Variants in MSRB3 observed in about 807,000 individuals in gnomAD.
The protein encoded by MSRB3 is methionine sulfoxide reductase B3.
MSRB3 carries 13 observed loss-of-function variants against 21.0 expected under a neutral mutation model. That is an observed-to-expected ratio of 0.62 (90% CI 0.40 to 0.98). MSRB3 has a LOEUF of 0.98. Among genes scored for constraint, MSRB3 ranks in the 50% least tolerant of loss-of-function variants. The pLI is 0.00. For missense variants in MSRB3, 199 were observed against 230.3 expected (o/e 0.86, Z 0.88); for synonymous variants, 87 against 88.6 (o/e 0.98, Z 0.10).
chr12:65,334,166 G>C (rs1185568999), intron 4 of MSRB3, among the ~76,000 whole-genome samples: 1 of 152,138 alleles, frequency 6.6e-6, no homozygotes, highest in Non-Finnish European at 1.5e-5. Context: ...TTATTCAGCA[G>C]GCCTTCCACT....
intron 5 of MSRB3, among the ~76,000 whole-genome samples, chr12:65,386,961 A>G (rs1364424114): frequency 6.6e-6 from 1 of 152,008 alleles, no homozygotes; most frequent in Non-Finnish European, 1.5e-5. Flanking sequence ...ACACAGATAC[A>G]TGCACCTTTA....
At chr12:65,361,466 C>T (rs1264834312) in intron 4 of MSRB3, among the ~76,000 whole-genome samples, 1 of 152,076 alleles carries the variant, frequency 6.6e-6, no homozygotes, top group Non-Finnish European at 1.5e-5. Flanking sequence ...ACCTCTGATG[C>T]CTACACAGAG....
chr12:65,345,293 G>A lies in MSRB3; in HGVS notation c.263+16690G>A, dbSNP rs567419105. ...TACATCTACATAATGCTAGTCCCAG[G>A]ACATGTTGATATTGTGTTCTGTGAA... On this transcript the variant is annotated intron_variant, in intron 4 of 6. Coordinates refer to ENST00000308259, the MANE Select transcript of MSRB3 (RefSeq NM_001031679.3). 1.1e-4 allele frequency among the ~76,000 whole-genome samples: 16 copies of A among 152,106 alleles called. No homozygotes were observed. In the East Asian group the frequency reaches 1.4e-3, roughly 13 times the overall value.
chr12:65,318,549 G>A (rs942150783), intron 2 of MSRB3, among the ~76,000 whole-genome samples: 1 of 150,798 alleles, frequency 6.6e-6, no homozygotes, highest in Admixed American at 6.6e-5. Context: ...ACCCATACTG[G>A]AAAAAAAAAT....
intron 5 of MSRB3, among the ~76,000 whole-genome samples, chr12:65,423,606 G>T (rs1279782977): frequency 1.3e-5 from 2 of 152,018 alleles, no homozygotes; most frequent in Non-Finnish European, 2.9e-5. Flanking sequence ...ATGATCATAT[G>T]GTTCTTGTCC....
Position 65,386,015 on chromosome 12 carries a change from T to G in MSRB3, c.292+16989T>G, listed in dbSNP as rs552490273. ...ATGAGAACTTTAGTACACTTTTGTC[T>G]CTGACCCCTGCATGTTTCCCATTAT... On this transcript the variant is annotated intron_variant, in intron 5 of 6. Transcript: ENST00000308259. Among the ~76,000 whole-genome samples the G allele has an allele frequency of 1.1e-3, 170 of 152,094 alleles. No individual in the cohort carries two copies. The Middle Eastern group carries it at 0.017, about 15-fold the overall frequency.
At chr12:65,368,037 C>G (rs986130566) in intron 4 of MSRB3, among the ~76,000 whole-genome samples, 3 of 152,116 alleles carry the variant, frequency 2.0e-5, no homozygotes, top group Non-Finnish European at 4.4e-5. Context: ...CCTTCCCTTT[C>G]CTCCTTTGAT....
intron 1 of MSRB3, chr12:65,285,972 T>C (rs560699143): frequency 1.4e-4 from 21 of 152,338 alleles, no homozygotes; most frequent in African/African-American, 3.1e-4. Flanking sequence ...GTATATAGTA[T>C]TGAGTAATTT....
chr12:65,431,713 C>T (rs1307978059), intron 5 of MSRB3, among the ~76,000 whole-genome samples: 1 of 151,934 alleles, frequency 6.6e-6, no homozygotes, highest in Non-Finnish European at 1.5e-5. Context: ...TTTTGACATG[C>T]GAGTTTCAGA....
rs138261064 is a variant in MSRB3 at position 65,441,787 on chromosome 12, A to T, written c.293-11941A>T. On this transcript the variant is annotated intron_variant, in intron 5 of 6. Transcript: ENST00000308259. The stretch of plus-strand genomic sequence containing the variant: ...TAATAGAGTATGCTTTGGTTCGATG[A>T]AGGTTCCTTCATGCCTTTTCGATGT... Among the ~76,000 whole-genome samples the T allele has an allele frequency of 4.0e-3, 603 of 152,106 alleles. 4 individuals are homozygous for T. The highest frequency in any genetic ancestry group is 0.014 in the African/African-American group (564 of 41,534).
At chr12:65,340,935 C>T (rs1411441006) in intron 4 of MSRB3, among the ~76,000 whole-genome samples, 2 of 151,764 alleles carry the variant, frequency 1.3e-5, no homozygotes, top group Non-Finnish European at 2.9e-5. Context: ...TGAGTTATCA[C>T]AAAAATAAAT....
intron 1 of MSRB3, chr12:65,307,103 G>T: frequency 1.1e-6 from 1 of 924,752 alleles, no homozygotes; most frequent in Non-Finnish European, 1.3e-6. Context: ...TATTTATAGT[G>T]TTGTGAGGTA....
chr12:65,346,543 C>G (rs1489463936), intron 4 of MSRB3, among the ~76,000 whole-genome samples: 1 of 152,058 alleles, frequency 6.6e-6, no homozygotes, highest in Non-Finnish European at 1.5e-5. Flanking sequence ...GTTGACTGTT[C>G]ACTCTGATGG....
At chr12:65,292,747 G>A (rs1053571938) in intron 1 of MSRB3, among the ~76,000 whole-genome samples, 1 of 152,090 alleles carries the variant, frequency 6.6e-6, no homozygotes, top group African/African-American at 2.4e-5. Context: ...TAAGAGTGTA[G>A]CTCATTGAAG....
chr12:65,441,421 G>C (rs922134868), intron 5 of MSRB3, among the ~76,000 whole-genome samples: 3 of 151,924 alleles, frequency 2.0e-5, no homozygotes, highest in Admixed American at 2.0e-4. Flanking sequence ...ATATTAATAA[G>C]TTACCTGGAG....
intron 4 of MSRB3, among the ~76,000 whole-genome samples, chr12:65,358,924 T>A (rs557206177): frequency 3.4e-4 from 51 of 152,108 alleles, no homozygotes; most frequent in Middle Eastern, 6.8e-3. Context: ...CATTCATTCC[T>A]TCCTGGATGC....
chr12:65,298,015 TTC>T (rs1873083770), intron 1 of MSRB3, among the ~76,000 whole-genome samples: 1 of 152,222 alleles, frequency 6.6e-6, no homozygotes, highest in Admixed American at 6.5e-5. Context: ...TTTTTTTTTT[TTC>T]TTTTGAGTCA....
intron 2 of MSRB3, 137 bp from the exon 3 acceptor site, chr12:65,326,689 A>T (rs1006933630): frequency 1.6e-5 from 11 of 694,696 alleles, no homozygotes; most frequent in African/African-American, 5.3e-5. Flanking sequence ...CAGTTCAGGT[A>T]AGCATTTCCA....
intron 5 of MSRB3, among the ~76,000 whole-genome samples, chr12:65,403,779 T>C (rs191112446): frequency 6.6e-6 from 1 of 152,186 alleles, no homozygotes; most frequent in African/African-American, 2.4e-5. Context: ...GTGAAGACCA[T>C]GGAAAACACG....
Sources: gnomAD v4.1 joint callset for allele counts (sites outside exome capture counted in the v4.1 genomes callset) on GRCh38, gnomAD v4.1.1 for gene constraint, MANE v1.5 for transcripts, NCBI Gene and HGNC (gene_info 2026-07-23, HGNC 2026-07-21) for gene names.